PFKP: variants seen among roughly 807,000 people sequenced by gnomAD.
PFKP encodes ATP-dependent 6-phosphofructokinase, platelet type.
A neutral mutation model predicts 94.3 loss-of-function variants in PFKP; 101 were observed. That is an observed-to-expected ratio of 1.07 (90% CI 0.91 to 1.26). The LOEUF (loss-of-function observed/expected upper bound fraction) is 1.26, where lower values mean the gene tolerates loss of function less well. Ranked by LOEUF, PFKP falls within the 50% of genes most tolerant of loss-of-function variation. PFKP has a pLI of 0.00. For synonymous variants in PFKP, 573 were observed against 432.6 expected (o/e 1.32, Z -4.03); for missense variants, 1,145 against 1,103.3 (o/e 1.04, Z -0.53).
intron 8 of PFKP, 106 bp downstream of exon 8, chr10:3,107,415 T>G: frequency 1.5e-6 from 1 of 679,078 alleles, no homozygotes; most frequent in Non-Finnish European, 2.6e-6. Context: ...TAACTTTTTA[T>G]CCTTGATATT....
At chr10:3,094,313 G>T (rs1006682546) in intron 2 of PFKP, among the ~76,000 whole-genome samples, 1 of 152,242 alleles carries the variant, frequency 6.6e-6, no homozygotes, top group East Asian at 1.9e-4. Context: ...ATGCCAGAGG[G>T]CTAAATACAT....
intron 1 of PFKP, among the ~76,000 whole-genome samples, chr10:3,079,808 C>G (rs570258127): frequency 3.9e-4 from 59 of 152,250 alleles, no homozygotes; most frequent in Middle Eastern, 3.4e-3. Context: ...GGTCCTGGAA[C>G]CAGAGCTGTG....
chr10:3,084,838 A>G (rs79668524), intron 2 of PFKP, among the ~76,000 whole-genome samples: 53,418 of 105,582 alleles, frequency 0.51, 15,145 homozygotes, highest in Middle Eastern at 0.66. Context: ...TCCCAAGCAC[A>G]GTCCTCCACC....
chr10:3,116,496 C>T (rs757266973), intron 13 of PFKP, among the ~76,000 whole-genome samples: 6 of 152,170 alleles, frequency 3.9e-5, no homozygotes, highest in East Asian at 3.8e-4. Context: ...TGGCGGGATA[C>T]GGTGAGCTGA....
At chr10:3,107,823 G>C (rs1431429029) in intron 8 of PFKP, 1 of 1,238,226 alleles carries the variant, frequency 8.1e-7, no homozygotes, top group African/African-American at 1.6e-5. Context: ...CGTGCCCTGG[G>C]ACTTGCTCAG....
At chr10:3,107,937 C>T in intron 8 of PFKP, 1 of 1,289,544 alleles carries the variant, frequency 7.8e-7, no homozygotes, top group Non-Finnish European at 1.0e-6. Context: ...GTGGCTCCAG[C>T]AGCCACGGGG....
chr10:3,103,986 G>A (rs759970025), intron 5 of PFKP, 42 bp downstream of exon 5: 49 of 1,590,650 alleles, frequency 3.1e-5, no homozygotes, highest in Middle Eastern at 1.7e-4. Context: ...AGTGGGGCCC[G>A]ACGTGTGCCC....
rs754267187 is a variant in PFKP at position 3,133,270 on chromosome 10, G to C, written c.1978G>C (p.Gly660Arg). The C allele has an allele frequency of 5.0e-6, 8 of 1,614,050 alleles. No individual in the cohort carries two copies. In the African/African-American group the frequency reaches 1.1e-4, roughly 22 times the overall value. Residue 660 changes from glycine (G) to arginine (R), a missense_variant, in exon 19 of 22, where the codon GGC becomes CGC. Physicochemically the swap from Gly to Arg is moderately radical, Grantham distance 125. Transcript: ENST00000381125. ...IYQLYSEEGK[G>R]VFDCRKNVLG... Reference sequence around the variant, plus strand: ...CCAGCTGTATTCAGAAGAGGGCAAAGGCGTGTTTGACTGCAGGAAGAACGT... The same window carrying C: ...CCAGCTGTATTCAGAAGAGGGCAAACGCGTGTTTGACTGCAGGAAGAACGT...
Position 3,092,462 on chromosome 10 carries a change from G to A in PFKP, c.187-6813G>A, listed in dbSNP as rs534533928. Among the ~76,000 whole-genome samples the A allele has an allele frequency of 1.1e-3, 173 of 152,106 alleles. 1 individual carries two copies. The highest frequency in any genetic ancestry group is 4.0e-3 in the African/African-American group (165 of 41,484). ...AGGAGTAGGTTCCAGTGTTGATAGC[G>A]GAGTAGGCTGGCTGTGTTAGCAACA... On this transcript the variant is annotated intron_variant, in intron 2 of 21. Coordinates refer to ENST00000381125, the MANE Select transcript of PFKP (RefSeq NM_002627.5).
chr10:3,101,178 C>T (rs1055662057), intron 3 of PFKP, among the ~76,000 whole-genome samples, 187 bp from the exon 4 acceptor site: 2 of 152,178 alleles, frequency 1.3e-5, no homozygotes, highest in Admixed American at 6.5e-5. Flanking sequence ...TGTCTTTGTC[C>T]ATGGAATGCT....
chr10:3,114,268 G>A (rs1836569567), intron 13 of PFKP, among the ~76,000 whole-genome samples: 1 of 151,920 alleles, frequency 6.6e-6, no homozygotes, highest in Admixed American at 6.6e-5. Context: ...TCCTGCCTCA[G>A]CCTCCTGAGT....
chr10:3,118,894 G>A (rs1417592176), intron 15 of PFKP, 25 bp downstream of exon 15: 45 of 1,577,532 alleles, frequency 2.9e-5, no homozygotes, highest in South Asian at 6.7e-5. Flanking sequence ...CTCTCTTGCC[G>A]GTCTTGCAGG....
At chr10:3,116,947 G>A in intron 14 of PFKP, 101 bp downstream of exon 14, 1 of 924,820 alleles carries the variant, frequency 1.1e-6, no homozygotes, top group Non-Finnish European at 1.8e-6. Flanking sequence ...TGGATTCCTG[G>A]AAAGGCGTCC....
chr10:3,100,056 G>T (rs542595350), intron 3 of PFKP, among the ~76,000 whole-genome samples: 79 of 137,804 alleles, frequency 5.7e-4, no homozygotes, highest in Admixed American at 3.3e-3. Flanking sequence ...GTAGGTGTGT[G>T]GTGTGTGTGT....
chr10:3,077,290 TCTCA>T (rs1370103288), intron 1 of PFKP, among the ~76,000 whole-genome samples: 1 of 122,170 alleles, frequency 8.2e-6, no homozygotes, highest in East Asian at 2.5e-4. Flanking sequence ...TGAGATGGAA[TCTCA>T]CTCTGTCACC....
intron 18 of PFKP, among the ~76,000 whole-genome samples, chr10:3,132,876 T>C (rs9423486): frequency 0.66 from 99,749 of 151,958 alleles, 33,300 homozygotes; most frequent in Non-Finnish European, 0.72. Flanking sequence ...AGCATGGAGA[T>C]GCAGGGCACA....
chr10:3,093,847 G>T (rs911974998), intron 2 of PFKP, among the ~76,000 whole-genome samples: 1 of 152,084 alleles, frequency 6.6e-6, no homozygotes, highest in South Asian at 2.1e-4. Flanking sequence ...GTTTCACCGT[G>T]TTAGCCAGGA....
chr10:3,076,376 C>G (rs544835443), intron 1 of PFKP, among the ~76,000 whole-genome samples: 2 of 152,050 alleles, frequency 1.3e-5, no homozygotes, highest in Non-Finnish European at 2.9e-5. Flanking sequence ...AGCATGCTGC[C>G]GCCGCGCCCC....
intron 13 of PFKP, among the ~76,000 whole-genome samples, chr10:3,115,305 C>CCAGGG (rs1564326913): frequency 6.8e-6 from 1 of 147,280 alleles, no homozygotes; most frequent in African/African-American, 2.5e-5. Flanking sequence ...ACTGGGGATG[C>CCAGGG]TGGGGTGAAA....
Sources: gnomAD v4.1 joint callset for allele counts (sites outside exome capture counted in the v4.1 genomes callset) on GRCh38, gnomAD v4.1.1 for gene constraint, MANE v1.5 for transcripts, NCBI Gene and HGNC (gene_info 2026-07-23, HGNC 2026-07-21) for gene names.